PHTF2: variants seen among roughly 807,000 people sequenced by gnomAD.
PHTF2 encodes putative homeodomain transcription factor 2, also known as protein PHTF2.
In PHTF2, 60 loss-of-function variants were observed where a neutral mutation model predicts 101.2. That is an observed-to-expected ratio of 0.59 (90% CI 0.48 to 0.73). PHTF2 has a LOEUF of 0.73. PHTF2 is among the 30% of genes least tolerant of loss of function. The probability of loss-of-function intolerance (pLI) is 0.00; values close to 1 mark genes in which losing one functional copy is unlikely to be tolerated. For synonymous variants in PHTF2, 311 were observed against 307.3 expected, an observed-to-expected ratio of 1.01 and a Z score of -0.13; for missense variants, 747 against 908.7, an observed-to-expected ratio of 0.82 and a Z score of 2.29.
intron 7 of PHTF2, chr7:77,907,983 G>C (rs1348641208): frequency 2.0e-5 from 3 of 152,104 alleles, no homozygotes; most frequent in Non-Finnish European, 2.9e-5. Context: ...TGGTGGCTAA[G>C]GTGGCCCCTA....
chr7:77,938,447 T>C (rs539329047), intron 13 of PHTF2, among the ~76,000 whole-genome samples: 1 of 152,312 alleles, frequency 6.6e-6, no homozygotes, highest in African/African-American at 2.4e-5. Flanking sequence ...AATGTGTTGA[T>C]TGGCCGGGCG....
chr7:77,881,520 GTTTTT>G (rs10713124), intron 3 of PHTF2, among the ~76,000 whole-genome samples: 4 of 136,216 alleles, frequency 2.9e-5, no homozygotes, highest in Non-Finnish European at 6.2e-5. Context: ...GGCTGGTTTT[GTTTTT>G]TTTTTTTACT....
intron 1 of PHTF2, among the ~76,000 whole-genome samples, chr7:77,813,212 T>C (rs1237623733): frequency 6.6e-6 from 1 of 152,178 alleles, no homozygotes; most frequent in Non-Finnish European, 1.5e-5. Context: ...AGATAAGAGA[T>C]GTGCAAAAAC....
At chr7:77,832,502 T>A (rs894749454) in intron 1 of PHTF2, among the ~76,000 whole-genome samples, 3 of 152,240 alleles carry the variant, frequency 2.0e-5, no homozygotes, top group Admixed American at 2.0e-4. Context: ...CTTAAAAGTA[T>A]GTTTGAGACA....
intron 3 of PHTF2, among the ~76,000 whole-genome samples, chr7:77,859,097 A>G (rs542504191): frequency 2.8e-4 from 42 of 151,998 alleles, no homozygotes; most frequent in Non-Finnish European, 5.3e-4. Context: ...CTTCACCTCA[A>G]TCTTCACATT....
At chr7:77,850,012 T>C (rs1796610809) in intron 2 of PHTF2, among the ~76,000 whole-genome samples, 1 of 151,862 alleles carries the variant, frequency 6.6e-6, no homozygotes, top group South Asian at 2.1e-4. Flanking sequence ...TCTTGTCTGA[T>C]TGCCCTAGCT....
At chr7:77,939,606 AAAG>A (rs1805467344) in intron 13 of PHTF2, among the ~76,000 whole-genome samples, 1 of 151,554 alleles carries the variant, frequency 6.6e-6, no homozygotes, top group Non-Finnish European at 1.5e-5. Context: ...AAAAAAAAAA[AAAG>A]AAAACAGAAA....
intron 1 of PHTF2, among the ~76,000 whole-genome samples, chr7:77,824,556 G>A (rs1794561259): frequency 6.6e-6 from 1 of 152,134 alleles, no homozygotes; most frequent in South Asian, 2.1e-4. Flanking sequence ...CTCCTGAGAA[G>A]CTGGGATTAC....
chr7:77,921,417 G>C (rs927521944), intron 10 of PHTF2, among the ~76,000 whole-genome samples: 1 of 152,166 alleles, frequency 6.6e-6, no homozygotes, highest in African/African-American at 2.4e-5. Context: ...TAGAGAGAGA[G>C]TCAAATTAAA....
At chr7:77,918,854 A>G (rs983247510) in intron 9 of PHTF2, among the ~76,000 whole-genome samples, 2 of 152,060 alleles carry the variant, frequency 1.3e-5, no homozygotes, top group African/African-American at 4.8e-5. Flanking sequence ...CAGTCTTGCA[A>G]CTCTGTGGAG....
chr7:77,855,887 C>CTGTCTTTCCTACCCTTTTCAGTG (rs1797140624), intron 3 of PHTF2, among the ~76,000 whole-genome samples: 2 of 152,224 alleles, frequency 1.3e-5, no homozygotes, highest in African/African-American at 4.8e-5. Context: ...CAATTCAAGA[C>CTGTCTTTCCTACCCTTTTCAGTG]TGTCTTTCCT....
At chr7:77,844,598 C>T (rs375716869) in intron 2 of PHTF2, among the ~76,000 whole-genome samples, 2 of 152,338 alleles carry the variant, frequency 1.3e-5, no homozygotes, top group South Asian at 4.1e-4. Context: ...GATCTTGGCT[C>T]ACAGCAACCT....
chr7:77,842,844 A>G (rs1420146462), intron 2 of PHTF2, among the ~76,000 whole-genome samples: 4 of 152,206 alleles, frequency 2.6e-5, no homozygotes, highest in Admixed American at 6.5e-5. Flanking sequence ...CTCTGCTGCA[A>G]CCACTCAACC....
intron 1 of PHTF2, among the ~76,000 whole-genome samples, chr7:77,825,033 G>A (rs1362566102): frequency 6.6e-6 from 1 of 152,074 alleles, no homozygotes; most frequent in Non-Finnish European, 1.5e-5. Flanking sequence ...GCGAGCCTCT[G>A]TCTCTAAATA....
chr7:77,840,380 A>T (rs955083487), intron 2 of PHTF2, 80 bp downstream of exon 2: 4 of 825,690 alleles, frequency 4.8e-6, no homozygotes, highest in African/African-American at 3.4e-5. Context: ...TATAGATGTT[A>T]GGATTTTGAG....
At chr7:77,933,408 G>T (rs966064450) in intron 12 of PHTF2, among the ~76,000 whole-genome samples, 4 of 152,186 alleles carry the variant, frequency 2.6e-5, no homozygotes, top group African/African-American at 9.7e-5. Context: ...GTGTTCAAGG[G>T]AACAAGTGTT....
At chr7:77,834,312 CAA>C (rs34947684) in intron 1 of PHTF2, among the ~76,000 whole-genome samples, 5,309 of 88,992 alleles carry the variant, frequency 0.06, 155 homozygotes, top group African/African-American at 0.14. Context: ...GACCTTGTCT[CAA>C]AAAAAAAAAA....
intron 1 of PHTF2, among the ~76,000 whole-genome samples, chr7:77,829,186 A>G (rs1794902421): frequency 6.6e-6 from 1 of 152,166 alleles, no homozygotes; most frequent in African/African-American, 2.4e-5. Context: ...GTCTCCTAAC[A>G]AAGAGATTAT....
rs559393701 is a variant in PHTF2, at chr7:77,850,166, C to T, written c.46-4567C>T. Among the ~76,000 whole-genome samples, 11 of 144,594 alleles carry T rather than the reference C, an allele frequency of 7.6e-5. No individual in the cohort carries two copies. The South Asian group carries it at 1.1e-3, about 14-fold the overall frequency. The allele number at this position is 144,594 out of a possible 152,430, so 94.9% of individuals were successfully genotyped here. ...AGGAGTTCAATGTCAGCCTGGGGAA[C>T]ATGGCTCAACCCTGTCTCTACAAAA... On this transcript the variant is annotated intron_variant, in intron 2 of 19. Transcript: ENST00000416283.
Sources: allele counts gnomAD v4.1 joint callset (sites outside exome capture counted in the v4.1 genomes callset), GRCh38; gene constraint gnomAD v4.1.1; transcripts MANE v1.5; gene names NCBI Gene and HGNC (gene_info 2026-07-23, HGNC 2026-07-21).